Variants in GALNT17 observed in about 807,000 individuals in gnomAD.
GALNT17 encodes the protein UDP-GalNAc:polypeptide N-acetylgalactosaminyltransferase-like 3.
Under a neutral mutation model 63.7 loss-of-function variants are expected in GALNT17, and 29 were observed. That is an observed-to-expected ratio of 0.46 (90% confidence interval 0.34 to 0.62). The LOEUF is 0.62. GALNT17 is among the 20% of genes least tolerant of loss of function. The pLI, the probability that GALNT17 is intolerant of heterozygous loss-of-function variation, is 0.01. For synonymous variants in GALNT17, 305 were observed against 318.3 expected, an observed-to-expected ratio of 0.96 and a Z score of 0.45; for missense variants, 603 against 799.6, an observed-to-expected ratio of 0.75 and a Z score of 2.97.
chr7:71,469,099 G>A (rs1787585745), intron 5 of GALNT17, among the ~76,000 whole-genome samples: 1 of 152,080 alleles, frequency 6.6e-6, no homozygotes, highest in Non-Finnish European at 1.5e-5. Flanking sequence ...TAGGAGTCCG[G>A]TAAGTGAAGG....
chr7:71,494,830 T>C (rs914794372), intron 5 of GALNT17, among the ~76,000 whole-genome samples: 1 of 152,144 alleles, frequency 6.6e-6, no homozygotes, highest in Non-Finnish European at 1.5e-5. Context: ...CAAAGTCACG[T>C]CTTACATGGC....
intron 5 of GALNT17, among the ~76,000 whole-genome samples, chr7:71,533,720 G>C (rs1788756436): frequency 6.6e-6 from 1 of 152,136 alleles, no homozygotes; most frequent in Admixed American, 6.5e-5. Context: ...GCCTAGATCT[G>C]GTTGCTCACG....
chr7:71,398,312 G>A (rs183825525), intron 3 of GALNT17, among the ~76,000 whole-genome samples: 3 of 151,412 alleles, frequency 2.0e-5, no homozygotes, highest in Admixed American at 1.3e-4. Flanking sequence ...CTTATCTTTC[G>A]CTATCTGATA....
At chr7:71,711,475 CCTCT>C (rs1334324410) in intron 10 of GALNT17, among the ~76,000 whole-genome samples, 2 of 151,428 alleles carry the variant, frequency 1.3e-5, no homozygotes, top group African/African-American at 2.4e-5. Flanking sequence ...GATAGTTAAG[CCTCT>C]CTCTCTCTTT....
intron 6 of GALNT17, among the ~76,000 whole-genome samples, chr7:71,657,338 T>C (rs1388083160): frequency 1.3e-5 from 2 of 152,192 alleles, no homozygotes; most frequent in Non-Finnish European, 2.9e-5. Flanking sequence ...TACTGAAAAA[T>C]AAATAAAGTA....
At chr7:71,641,429 A>T (rs1474160558) in intron 6 of GALNT17, among the ~76,000 whole-genome samples, 1 of 152,206 alleles carries the variant, frequency 6.6e-6, no homozygotes, top group African/African-American at 2.4e-5. Flanking sequence ...TAGGTAGCTG[A>T]TAAACAACAG....
chr7:71,206,727 C>T (rs553909615), intron 1 of GALNT17, among the ~76,000 whole-genome samples: 11 of 152,232 alleles, frequency 7.2e-5, no homozygotes, highest in African/African-American at 1.9e-4. Flanking sequence ...CATATTTCTG[C>T]GGCTAAAGGA....
chr7:71,362,852 C>T (rs2707426), intron 2 of GALNT17, among the ~76,000 whole-genome samples: 4,778 of 152,258 alleles, frequency 0.031, 244 homozygotes, highest in African/African-American at 0.11. Context: ...AGACCGTACA[C>T]GGGTTGTTTG....
chr7:71,469,097 C>T (rs1375567611), intron 5 of GALNT17, among the ~76,000 whole-genome samples: 2 of 151,832 alleles, frequency 1.3e-5, no homozygotes, highest in Non-Finnish European at 2.9e-5. Context: ...TATAGGAGTC[C>T]GGTAAGTGAA....
At chr7:71,145,152 T>C (rs73706802) in intron 1 of GALNT17, among the ~76,000 whole-genome samples, 4,267 of 152,250 alleles carry the variant, frequency 0.028, 79 homozygotes, top group African/African-American at 0.05. Context: ...TGAGTCAGCT[T>C]CTTGGGTTCT....
rs561305090 is a variant in GALNT17 at position 71,370,840 on chromosome 7, A to T, written c.423-17395A>T. Among the ~76,000 whole-genome samples the T allele has an allele frequency of 2.6e-5, 4 of 152,154 alleles. No homozygotes were observed. In the East Asian group the frequency reaches 7.8e-4, roughly 30 times the overall value. On this transcript the variant is annotated intron_variant, in intron 2 of 10. Transcript: ENST00000333538. ...AGGCTGGTCTCGAACTTCTGGCCTCAAGTGATCCTCCTGCCTCAGCCTCCC... is the reference window on the plus strand; with the variant it reads ...AGGCTGGTCTCGAACTTCTGGCCTCTAGTGATCCTCCTGCCTCAGCCTCCC...
At chr7:71,230,332 T>C (rs965568238) in intron 1 of GALNT17, among the ~76,000 whole-genome samples, 1 of 152,074 alleles carries the variant, frequency 6.6e-6, no homozygotes, top group African/African-American at 2.4e-5. Flanking sequence ...GGAGCTGCCA[T>C]TGCATGGAGT....
chr7:71,279,221 A>G (rs1369557618), intron 1 of GALNT17, among the ~76,000 whole-genome samples: 3 of 151,742 alleles, frequency 2.0e-5, no homozygotes, highest in Non-Finnish European at 4.4e-5. Context: ...CTCTCCTTAT[A>G]AGGACACCAG....
chr7:71,645,974 C>G (rs1260819469), intron 6 of GALNT17, among the ~76,000 whole-genome samples: 1 of 152,160 alleles, frequency 6.6e-6, no homozygotes, highest in Non-Finnish European at 1.5e-5. Flanking sequence ...CTGGTATCAC[C>G]AGCAGCACTG....
chr7:71,474,702 A>G (rs749700481), intron 5 of GALNT17, among the ~76,000 whole-genome samples: 37 of 152,304 alleles, frequency 2.4e-4, no homozygotes, highest in Non-Finnish European at 4.9e-4. Context: ...TTAGTTTCCT[A>G]CAACTTTGCA....
chr7:71,240,900 G>A (rs938888751), intron 1 of GALNT17, among the ~76,000 whole-genome samples: 1 of 152,054 alleles, frequency 6.6e-6, no homozygotes, highest in South Asian at 2.1e-4. Context: ...TCCTGACCTC[G>A]TGATCCGCCT....
chr7:71,523,650 G>A (rs1788566175), intron 5 of GALNT17, among the ~76,000 whole-genome samples: 1 of 151,670 alleles, frequency 6.6e-6, no homozygotes, highest in Admixed American at 6.6e-5. Flanking sequence ...GCTGAAGGAG[G>A]AGGATCTCTT....
chr7:71,373,762 C>T (rs534374677), intron 2 of GALNT17, among the ~76,000 whole-genome samples: 9 of 152,290 alleles, frequency 5.9e-5, no homozygotes, highest in South Asian at 2.1e-4. Context: ...ATCACCCCCA[C>T]GCCACACCCC....
chr7:71,581,430 G>A (rs993181120), intron 6 of GALNT17, among the ~76,000 whole-genome samples: 2 of 152,146 alleles, frequency 1.3e-5, no homozygotes, highest in African/African-American at 4.8e-5. Context: ...AAAGTGCTAG[G>A]ATTACAGCTG....
Sources: allele counts gnomAD v4.1 joint callset (sites outside exome capture counted in the v4.1 genomes callset), GRCh38; gene constraint gnomAD v4.1.1; transcripts MANE v1.5; gene names NCBI Gene and HGNC (gene_info 2026-07-23, HGNC 2026-07-21).